Variants in RNF150 observed in about 807,000 individuals in gnomAD.
The protein encoded by RNF150 is ring finger protein 150.
In RNF150, 24 loss-of-function variants were observed where a neutral mutation model predicts 39.3. The ratio of observed to expected loss-of-function variants is 0.61; its 90% confidence interval spans 0.44 to 0.86. The LOEUF (loss-of-function observed/expected upper bound fraction) is 0.86, where lower values mean the gene tolerates loss of function less well. Among genes scored for constraint, RNF150 ranks in the 40% least tolerant of loss-of-function variants. The pLI is 0.00. For synonymous variants in RNF150, 255 were observed against 227.3 expected (o/e 1.12, Z -1.10); for missense variants, 502 against 587.8 (o/e 0.85, Z 1.51).
At chr4:140,964,966 A>G (rs181981240) in intron 2 of RNF150, among the ~76,000 whole-genome samples, 16 of 152,118 alleles carry the variant, frequency 1.1e-4, no homozygotes, top group Admixed American at 5.3e-4. Context: ...GGAGAGATTA[A>G]TTATTCAATA....
At chr4:141,196,632 T>C (rs1550056) in intron 1 of RNF150, among the ~76,000 whole-genome samples, 96,191 of 152,156 alleles carry the variant, frequency 0.63, 32,682 homozygotes, top group African/African-American at 0.89. Context: ...CTTGTTACAA[T>C]GCATAAAACT....
At chr4:141,044,204 T>C (rs1736475608) in intron 1 of RNF150, among the ~76,000 whole-genome samples, 1 of 152,198 alleles carries the variant, frequency 6.6e-6, no homozygotes, top group South Asian at 2.1e-4. Flanking sequence ...CACATACACA[T>C]ATAATGTTAG....
chr4:141,045,637 G>A (rs1235486129), intron 1 of RNF150, among the ~76,000 whole-genome samples: 7 of 151,936 alleles, frequency 4.6e-5, no homozygotes, highest in East Asian at 3.9e-4. Context: ...TCCGCCTCCC[G>A]GTTTCAAGCA....
intron 1 of RNF150, among the ~76,000 whole-genome samples, chr4:141,122,078 T>A (rs1189302293): frequency 6.6e-6 from 1 of 152,076 alleles, no homozygotes; most frequent in Non-Finnish European, 1.5e-5. Flanking sequence ...TCCAGGCGCC[T>A]CCTGCTCACC....
intron 6 of RNF150, among the ~76,000 whole-genome samples, chr4:140,877,371 A>G (rs1729197215): frequency 6.6e-6 from 1 of 152,260 alleles, no homozygotes; most frequent in African/African-American, 2.4e-5. Context: ...AACATTAAGC[A>G]TAATATCTGG....
At chr4:140,969,165 C>A (rs1055716760) in intron 1 of RNF150, among the ~76,000 whole-genome samples, 1 of 152,124 alleles carries the variant, frequency 6.6e-6, no homozygotes, top group Admixed American at 6.6e-5. Context: ...TTAGGGCTTT[C>A]CTTTGACCTT....
In RNF150 at chr4:141,035,342, G is replaced by A. The variant is rs149359682; in HGVS notation, c.485-67469C>T. 3.0e-4 allele frequency among the ~76,000 whole-genome samples: 46 copies of A among 152,260 alleles called. No homozygotes were observed. The East Asian group carries it at 3.1e-3, about 10-fold the overall frequency. On this transcript the variant is annotated intron_variant, in intron 1 of 6. Coordinates refer to ENST00000515673, the MANE Select transcript of RNF150 (RefSeq NM_020724.2). ...CAAATAAGTGCTCCTTTCTGCTGGCGCTACCGGATTCACCTTCACAGCCTT... is the reference window on the plus strand; with the variant it reads ...CAAATAAGTGCTCCTTTCTGCTGGCACTACCGGATTCACCTTCACAGCCTT...
intron 6 of RNF150, among the ~76,000 whole-genome samples, chr4:140,886,067 T>A (rs1402084744): frequency 6.6e-6 from 1 of 151,656 alleles, no homozygotes; most frequent in Non-Finnish European, 1.5e-5. Flanking sequence ...GGCAGGCGCC[T>A]GTAGTCCCAG....
At position 141,132,265 on chromosome 4, in the gene RNF150, T is replaced by A. The variant is rs1313953515; in HGVS notation, c.484+60A>T. The A allele has an allele frequency of 2.6e-6, 4 of 1,521,034 alleles. No homozygotes were observed. The highest frequency in any genetic ancestry group is 3.6e-6 in the Non-Finnish European group (4 of 1,125,834). 94.2% of individuals were successfully genotyped at this position (1,521,034 alleles called of 1,614,324 possible). A position where few individuals can be genotyped will look rare whatever the true frequency, so the allele number is the denominator to read the frequency against. On this transcript the variant is annotated intron_variant, in intron 1 of 6. Transcript: ENST00000515673. This position sits in a 1 kb window ranked among gnomAD's most constrained non-coding sequence, Gnocchi z 4.9. ...AAGGAGCCTGGAGGCAGGCGCTGGATCCCTCTAGGCACCTCCGTCCCCGCC... is the reference window on the plus strand; with the variant it reads ...AAGGAGCCTGGAGGCAGGCGCTGGAACCCTCTAGGCACCTCCGTCCCCGCC...
At chr4:141,169,364 C>G (rs1391755604) in intron 1 of RNF150, among the ~76,000 whole-genome samples, 1 of 152,150 alleles carries the variant, frequency 6.6e-6, no homozygotes, top group Non-Finnish European at 1.5e-5. Flanking sequence ...TCCTGAACAG[C>G]CTGAGGAACC....
At chr4:140,962,675 A>C (rs1464026559) in intron 2 of RNF150, among the ~76,000 whole-genome samples, 1 of 151,936 alleles carries the variant, frequency 6.6e-6, no homozygotes, top group South Asian at 2.1e-4. Context: ...ATATGATAAT[A>C]ATAAAGGATA....
At chr4:141,194,560 G>A (rs899424938) in intron 1 of RNF150, among the ~76,000 whole-genome samples, 2 of 152,050 alleles carry the variant, frequency 1.3e-5, no homozygotes, top group Admixed American at 6.5e-5. Context: ...AAAAATACAT[G>A]CTAGCATACT....
intron 4 of RNF150, among the ~76,000 whole-genome samples, chr4:140,929,128 G>A (rs189394724): frequency 8.5e-5 from 13 of 152,226 alleles, no homozygotes; most frequent in Admixed American, 2.6e-4. Flanking sequence ...GCTGTTTTCT[G>A]CACATAGGCT....
At chr4:140,976,807 T>C (rs1379762479) in intron 1 of RNF150, among the ~76,000 whole-genome samples, 1 of 152,140 alleles carries the variant, frequency 6.6e-6, no homozygotes, top group African/African-American at 2.4e-5. Flanking sequence ...GCTTTTTCTA[T>C]GCTTCCACCT....
intron 1 of RNF150, among the ~76,000 whole-genome samples, chr4:141,064,203 TC>T (rs1183872464): frequency 1.3e-5 from 2 of 152,174 alleles, no homozygotes; most frequent in African/African-American, 2.4e-5. Context: ...CTACTAATTT[TC>T]CCATTTTACA....
chr4:141,016,446 G>T (rs1735276298), intron 1 of RNF150, among the ~76,000 whole-genome samples: 1 of 128,136 alleles, frequency 7.8e-6, no homozygotes, highest in African/African-American at 2.6e-5. Context: ...ATTAAAAGCA[G>T]GTATAAATAT....
intron 1 of RNF150, among the ~76,000 whole-genome samples, chr4:140,978,971 T>C (rs1733763308): frequency 6.6e-6 from 1 of 152,136 alleles, no homozygotes; most frequent in Non-Finnish European, 1.5e-5. Flanking sequence ...ATAAAATATA[T>C]TAAATTCTAA....
At chr4:141,061,234 C>T (rs924310657) in intron 1 of RNF150, among the ~76,000 whole-genome samples, 3 of 151,998 alleles carry the variant, frequency 2.0e-5, no homozygotes, top group Admixed American at 6.6e-5. Context: ...GATGTACATT[C>T]GCAGAAGATT....
intron 6 of RNF150, among the ~76,000 whole-genome samples, chr4:140,910,822 CTG>C (rs550568194): frequency 1.2e-3 from 181 of 152,296 alleles, no homozygotes; most frequent in Non-Finnish European, 2.0e-3. Flanking sequence ...GCCCTCCAGT[CTG>C]AGAGGCTCCA....
Sources: allele counts gnomAD v4.1 joint callset (sites outside exome capture counted in the v4.1 genomes callset), GRCh38; gene constraint gnomAD v4.1.1; non-coding constraint Gnocchi (gnomAD v3.1); transcripts MANE v1.5; gene names NCBI Gene and HGNC (gene_info 2026-07-23, HGNC 2026-07-21).